SF3B4: variants seen among roughly 807,000 people sequenced by gnomAD.
SF3B4 encodes SAP 49.
In SF3B4, 3 loss-of-function variants were observed where a neutral mutation model predicts 34.3. The ratio of observed to expected loss-of-function variants is 0.09; its 90% CI spans 0.04 to 0.23. The LOEUF (loss-of-function observed/expected upper bound fraction) is 0.23. Ranked by LOEUF, SF3B4 falls within the 10% of genes least tolerant of loss-of-function variation. SF3B4 has a pLI of 1.00. For missense variants in SF3B4, 283 were observed against 567.2 expected, an observed-to-expected ratio of 0.50 and a Z score of 5.09; for synonymous variants, 216 against 207.8, an observed-to-expected ratio of 1.04 and a Z score of -0.34.
In SF3B4 at chr1:149,926,872, G is replaced by A. The variant is rs1553766082; in HGVS notation, c.210C>T (p.Ala70=). Reference sequence around the variant, plus strand: ...GTTTGATCATGTTCATGATCTTAATGGCATAGTCAGCATCTTCCTCACTCA... The same window carrying A: ...GTTTGATCATGTTCATGATCTTAATAGCATAGTCAGCATCTTCCTCACTCA... ...EFLSEEDADY[A]IKIMNMIKLY... Residue 70 remains alanine (A), a synonymous_variant, in exon 3 of 6, where the codon GCC becomes GCT. Coordinates refer to ENST00000271628, the MANE Select transcript of SF3B4 (RefSeq NM_005850.5). The surrounding 1 kb of genome is among the most constrained non-coding windows in gnomAD (Gnocchi z 6.2). 6.2e-7 allele frequency: 1 copy of A among 1,613,310 alleles called. No individual in the cohort carries two copies. The highest frequency in any genetic ancestry group is 2.2e-5 in the East Asian group (1 of 44,876).
intron 4 of SF3B4, 134 bp from the exon 5 acceptor site, chr1:149,924,148 A>C: frequency 1.3e-6 from 1 of 797,422 alleles, no homozygotes. Context: ...GGGTATAGAA[A>C]ATAAGGCTGG....
At chr1:149,925,157 C>T (rs2092581813) in intron 4 of SF3B4, among the ~76,000 whole-genome samples, 1 of 151,924 alleles carries the variant, frequency 6.6e-6, no homozygotes, top group Non-Finnish European at 1.5e-5. Context: ...TCAAACATAG[C>T]TCTCAGATTC....
At chr1:149,927,084 T>C in intron 2 of SF3B4, 82 bp downstream of exon 2, 1 of 1,555,082 alleles carries the variant, frequency 6.4e-7, no homozygotes, top group Non-Finnish European at 8.7e-7. Context: ...AAAAAATCTT[T>C]AGGTTGCTCA....
chr1:149,927,774 C>T lies in SF3B4; in HGVS notation c.-15G>A. The stretch of plus-strand genomic sequence containing the variant: ...CCGGCAGCCATGGCGAAAGAGATCC[C>T]GCCGTCTCCCAGCAGCGGTTCCGCC... On this transcript the variant is annotated 5_prime_UTR_variant, in exon 1 of 6. Transcript: ENST00000271628. The T allele has an allele frequency of 1.9e-6, 3 of 1,551,938 alleles. No homozygotes were observed. Among genetic ancestry groups the T allele is most frequent in the African/African-American group, 1.4e-5 (1 of 73,188 alleles).
chr1:149,925,395 G>A (rs143185028), intron 4 of SF3B4, among the ~76,000 whole-genome samples: 1,710 of 152,226 alleles, frequency 0.011, 19 homozygotes, highest in Admixed American at 0.024. Context: ...GTAGACATGA[G>A]TCTATCACGG....
intron 4 of SF3B4, among the ~76,000 whole-genome samples, chr1:149,925,413 G>A (rs146872925): frequency 0.013 from 1,920 of 152,210 alleles, 48 homozygotes; most frequent in African/African-American, 0.041. Context: ...CGGTAGCTGA[G>A]ATTAAGAAGT....
At position 149,926,590 on chromosome 1, in the gene SF3B4, C is replaced by T; in HGVS notation, c.492G>A (p.Gly164=). The T allele has an allele frequency of 6.2e-7, 1 of 1,614,224 alleles. No homozygotes were observed. Among genetic ancestry groups the T allele is most frequent in the Non-Finnish European group, 8.5e-7 (1 of 1,180,038 alleles). Residue 164 remains glycine, a synonymous_variant, in exon 3 of 6, where the codon GGG becomes GGA. Coordinates refer to ENST00000271628, the MANE Select transcript of SF3B4 (RefSeq NM_005850.5). This position sits in a 1 kb window ranked among gnomAD's most constrained non-coding sequence, Gnocchi z 6.2. ...TGATAGGACGGTTACAGAGGTACTG[C>T]CCATTCATGGCTTCAATTGCTGCAT... ...ASDAAIEAMN[G]QYLCNRPITV...
rs962948588 is a variant in SF3B4 at position 149,923,388 on chromosome 1, C to A, written c.*154G>T. The A allele has an allele frequency of 2.7e-5, 16 of 584,356 alleles. No individual in the cohort carries two copies. In the African/African-American group the frequency reaches 2.8e-4, roughly 10 times the overall value. 36.2% of individuals were successfully genotyped at this position (584,356 alleles called of 1,614,324 possible). A position where few individuals can be genotyped will look rare whatever the true frequency, so the allele number is the denominator to read the frequency against. On this transcript the variant is annotated 3_prime_UTR_variant, in exon 6 of 6. Coordinates refer to ENST00000271628, the MANE Select transcript of SF3B4 (RefSeq NM_005850.5). Reference sequence around the variant, plus strand: ...TCAGGACCAACATAAAAAAGAAATACCTCCTGTGGAAAAAGTTACATTAAA... The same window carrying A: ...TCAGGACCAACATAAAAAAGAAATAACTCCTGTGGAAAAAGTTACATTAAA...
chr1:149,927,631 G>C lies in SF3B4; in HGVS notation c.34+95C>G, dbSNP rs1323426772. The C allele has an allele frequency of 3.4e-6, 5 of 1,463,020 alleles. No individual in the cohort carries two copies. In the East Asian group the frequency reaches 1.2e-4, roughly 36 times the overall value. The allele number at this position is 1,463,020 out of a possible 1,614,324, so 90.6% of individuals were successfully genotyped here. On this transcript the variant is annotated intron_variant, in intron 1 of 5. Transcript: ENST00000271628. The stretch of plus-strand genomic sequence containing the variant: ...GTCTCGCGCCCTCTGGGGAAGGGAG[G>C]AGTCCAGTCTCCCACCCCTGCAGAG...
At position 149,923,459 on chromosome 1, in the gene SF3B4, C is replaced by A; in HGVS notation, c.*83G>T. 1 of 1,133,080 alleles carries A rather than the reference C, an allele frequency of 8.8e-7. No individual in the cohort carries two copies. Among genetic ancestry groups the A allele is most frequent in the South Asian group, 1.6e-5 (1 of 61,356 alleles). The allele number at this position is 1,133,080 out of a possible 1,614,324, so 70.2% of individuals were successfully genotyped here. ...GCTGAAAGGGATTAGTACCTTTGCCCCAAGGAGCTACAGCATCTCTGATTG... is the reference window on the plus strand; with the variant it reads ...GCTGAAAGGGATTAGTACCTTTGCCACAAGGAGCTACAGCATCTCTGATTG... On this transcript the variant is annotated 3_prime_UTR_variant, in exon 6 of 6. Transcript: ENST00000271628.
chr1:149,924,345 G>A (rs895360596), intron 4 of SF3B4, among the ~76,000 whole-genome samples: 2 of 152,136 alleles, frequency 1.3e-5, no homozygotes, highest in East Asian at 3.9e-4. Context: ...GCTGAGGTGG[G>A]AGGATCACTT....
At chr1:149,925,689 G>A (rs782669618) in intron 4 of SF3B4, 147 bp downstream of exon 4, 1 of 732,526 alleles carries the variant, frequency 1.4e-6, no homozygotes, top group Middle Eastern at 2.3e-4. Context: ...ATGTTAGAGA[G>A]CATTTTGTAT....
intron 4 of SF3B4, among the ~76,000 whole-genome samples, chr1:149,925,075 G>A (rs2092581347): frequency 6.6e-6 from 1 of 152,164 alleles, no homozygotes; most frequent in East Asian, 1.9e-4. Flanking sequence ...CTGAACTAGG[G>A]CACTGGCCAT....
chr1:149,927,461 G>A (rs993600960), intron 1 of SF3B4, 167 bp from the exon 2 acceptor site: 9 of 816,340 alleles, frequency 1.1e-5, no homozygotes, highest in Non-Finnish European at 1.5e-5. Flanking sequence ...CAGGACTTCG[G>A]GAATCCTCTG....
At position 149,923,468 on chromosome 1, in the gene SF3B4, T is replaced by C; in HGVS notation, c.*74A>G. 8.2e-7 allele frequency: 1 copy of C among 1,218,404 alleles called. No individual in the cohort carries two copies. The highest frequency in any genetic ancestry group is 1.1e-6 in the Non-Finnish European group (1 of 886,342). The allele number at this position is 1,218,404 out of a possible 1,614,324, so 75.5% of individuals were successfully genotyped here. A position where few individuals can be genotyped will look rare whatever the true frequency, so the allele number is the denominator to read the frequency against. On this transcript the variant is annotated 3_prime_UTR_variant, in exon 6 of 6. Coordinates refer to ENST00000271628, the MANE Select transcript of SF3B4 (RefSeq NM_005850.5). ...GATTAGTACCTTTGCCCCAAGGAGC[T>C]ACAGCATCTCTGATTGGTCCAAGGA...
chr1:149,924,086 A>G, intron 4 of SF3B4, 72 bp from the exon 5 acceptor site: 1 of 1,280,266 alleles, frequency 7.8e-7, no homozygotes, highest in Non-Finnish European at 1.1e-6. Flanking sequence ...AGAAAGGAAG[A>G]AAACAAAATT....
In SF3B4 at chr1:149,923,386, T is replaced by TACACAGG. The variant is rs1200948950; in HGVS notation, c.*155_*156insCCTGTGT. 1.7e-6 allele frequency: 1 copy of TACACAGG among 582,172 alleles called. No homozygotes were observed. The highest frequency in any genetic ancestry group is 3.0e-6 in the Non-Finnish European group (1 of 334,856). 36.1% of individuals were successfully genotyped at this position (582,172 alleles called of 1,614,324 possible). ...ACTCAGGACCAACATAAAAAAGAAA[T>TACACAGG]ACCTCCTGTGGAAAAAGTTACATTA... On this transcript the variant is annotated 3_prime_UTR_variant, in exon 6 of 6. Transcript: ENST00000271628.
chr1:149,924,268 C>A (rs1553765716), intron 4 of SF3B4, among the ~76,000 whole-genome samples: 1 of 152,052 alleles, frequency 6.6e-6, no homozygotes, highest in Non-Finnish European at 1.5e-5. Flanking sequence ...GACCCCAGCT[C>A]TATCAAAAAA....
chr1:149,923,565 G>C lies in SF3B4; in HGVS notation c.1252C>G (p.Leu418Val), dbSNP rs1553765591. 2 of 1,568,478 alleles carry C rather than the reference G, an allele frequency of 1.3e-6. No individual in the cohort carries two copies. Among genetic ancestry groups the C allele is most frequent in the Non-Finnish European group, 1.7e-6 (2 of 1,165,942 alleles). ...PRPPVPPRGP[L>V]RGPLPQ ...ATTTACTGAGGGAGAGGGCCTCGAA[G>C]TGGGCCTCGAGGGGGAACTGGTGGC... Residue 418 changes from leucine (L) to valine (V), a missense_variant, in exon 6 of 6, where the codon CTT (leucine) becomes GTT (valine). Coordinates refer to ENST00000271628, the MANE Select transcript of SF3B4 (RefSeq NM_005850.5).
Sources: allele counts gnomAD v4.1 joint callset (sites outside exome capture counted in the v4.1 genomes callset), GRCh38; gene constraint gnomAD v4.1.1; non-coding constraint Gnocchi (gnomAD v3.1); transcripts MANE v1.5; gene names NCBI Gene and HGNC (gene_info 2026-07-23, HGNC 2026-07-21).